Variants in SLC20A2 observed in about 807,000 individuals in gnomAD.
The protein encoded by SLC20A2 is solute carrier family 20 member 2.
Under a neutral mutation model 61.0 loss-of-function variants are expected in SLC20A2, and 30 were observed. That is an observed-to-expected ratio of 0.49 (90% confidence interval 0.37 to 0.67). The LOEUF is 0.67. Among genes scored for constraint, SLC20A2 ranks in the 30% least tolerant of loss-of-function variants. SLC20A2 has a pLI of 0.00. For synonymous variants in SLC20A2, 351 were observed against 353.3 expected, an observed-to-expected ratio of 0.99 and a Z score of 0.07; for missense variants, 626 against 866.4, an observed-to-expected ratio of 0.72 and a Z score of 3.48.
intron 5 of SLC20A2, among the ~76,000 whole-genome samples, chr8:42,455,012 G>A (rs1164054518): frequency 6.7e-6 from 1 of 150,362 alleles, no homozygotes; most frequent in Non-Finnish European, 1.5e-5. Flanking sequence ...GATCACCTCA[G>A]GTCAGGGGTT....
intron 2 of SLC20A2, among the ~76,000 whole-genome samples, chr8:42,466,911 C>T (rs1302440791): frequency 6.6e-6 from 1 of 152,176 alleles, no homozygotes; most frequent in Non-Finnish European, 1.5e-5. Flanking sequence ...CTTAAGCAAT[C>T]CTCCTGCTTC....
intron 1 of SLC20A2, among the ~76,000 whole-genome samples, chr8:42,495,371 G>A (rs752163063): frequency 8.5e-5 from 13 of 152,152 alleles, no homozygotes; most frequent in Admixed American, 1.3e-4. Flanking sequence ...GGAAGTTCAT[G>A]GGTTTCACAG....
intron 2 of SLC20A2, among the ~76,000 whole-genome samples, chr8:42,470,738 T>A (rs1441177542): frequency 6.7e-6 from 1 of 150,076 alleles, no homozygotes; most frequent in African/African-American, 2.5e-5. Context: ...CTTTGAGAGG[T>A]GATGGTGGGT....
intron 5 of SLC20A2, among the ~76,000 whole-genome samples, chr8:42,455,223 TAAAAAAA>T (rs1167685475): frequency 2.8e-4 from 14 of 49,858 alleles, no homozygotes; most frequent in Non-Finnish European, 4.3e-4. Flanking sequence ...AGACTCCGTC[TAAAAAAA>T]AAAAAAAAAA....
Position 42,437,503 on chromosome 8 carries a change from T to A in SLC20A2, c.1009A>T (p.Thr337Ser). Residue 337 changes from threonine to serine, a missense_variant, in exon 8 of 11, where the codon ACC becomes TCC. This residue lies in a region of SLC20A2 where 361 missense variants were observed against 422.3 expected (regional missense o/e 0.85). Transcript: ENST00000520262. This position sits in a 1 kb window ranked among gnomAD's most constrained non-coding sequence, Gnocchi z 6.4. ...SNGTFGFDGH[T>S]RSDGHVYHTV... ...TGGTACACATGACCGTCGCTCCTGGTGTGGCCGTCGAAGCCGAAGGTGCCG... is the reference window on the plus strand; with the variant it reads ...TGGTACACATGACCGTCGCTCCTGGAGTGGCCGTCGAAGCCGAAGGTGCCG... The A allele has an allele frequency of 1.9e-6, 3 of 1,614,044 alleles. No individual in the cohort carries two copies. The highest frequency in any genetic ancestry group is 2.5e-6 in the Non-Finnish European group (3 of 1,180,014).
At chr8:42,487,906 G>A (rs528662656) in intron 1 of SLC20A2, among the ~76,000 whole-genome samples, 1 of 152,000 alleles carries the variant, frequency 6.6e-6, no homozygotes, top group Non-Finnish European at 1.5e-5. Flanking sequence ...TGCCATTCTC[G>A]CCTTTCTCCA....
At chr8:42,532,314 A>G (rs980926525) in intron 1 of SLC20A2, among the ~76,000 whole-genome samples, 1 of 152,190 alleles carries the variant, frequency 6.6e-6, no homozygotes, top group African/African-American at 2.4e-5. Context: ...GAAATTAACA[A>G]TGAGTCCTTT....
intron 1 of SLC20A2, among the ~76,000 whole-genome samples, chr8:42,506,263 T>C (rs1304462616): frequency 6.6e-6 from 1 of 152,168 alleles, no homozygotes; most frequent in Non-Finnish European, 1.5e-5. Context: ...CTTTGGATTG[T>C]AGCTGTGGAC....
At chr8:42,478,403 G>C (rs1315606994) in intron 1 of SLC20A2, among the ~76,000 whole-genome samples, 1 of 151,216 alleles carries the variant, frequency 6.6e-6, no homozygotes, top group Non-Finnish European at 1.5e-5. Context: ...GTAGAGACAG[G>C]GTTTCACCAT....
intron 8 of SLC20A2, among the ~76,000 whole-genome samples, chr8:42,433,064 GA>G (rs1422554617): frequency 6.6e-6 from 1 of 152,060 alleles, no homozygotes; most frequent in Non-Finnish European, 1.5e-5. Flanking sequence ...TGGTCCAAAT[GA>G]TTTTTTTTTA....
chr8:42,428,141 T>C (rs1803554589), intron 10 of SLC20A2, among the ~76,000 whole-genome samples: 1 of 152,154 alleles, frequency 6.6e-6, no homozygotes, highest in South Asian at 2.1e-4. Flanking sequence ...CCGGAACCCA[T>C]TTCCTCTTCA....
At chr8:42,432,582 T>G (rs1803947521) in intron 8 of SLC20A2, among the ~76,000 whole-genome samples, 1 of 152,238 alleles carries the variant, frequency 6.6e-6, no homozygotes, top group Non-Finnish European at 1.5e-5. Context: ...GTTATCAAAC[T>G]GCATTACATG....
chr8:42,452,216 G>A (rs1431283989), intron 5 of SLC20A2, among the ~76,000 whole-genome samples: 1 of 149,696 alleles, frequency 6.7e-6, no homozygotes, highest in East Asian at 2.0e-4. Context: ...GGAGGAGGAG[G>A]AAGAGATGGA....
chr8:42,456,788 A>C (rs1321065857), intron 5 of SLC20A2, among the ~76,000 whole-genome samples: 1 of 151,682 alleles, frequency 6.6e-6, no homozygotes, highest in Non-Finnish European at 1.5e-5. Flanking sequence ...TACAGAGTTC[A>C]CTTCCAACCC....
At chr8:42,462,811 C>G (rs1417998687) in intron 4 of SLC20A2, among the ~76,000 whole-genome samples, 194 bp downstream of exon 4, 1 of 152,168 alleles carries the variant, frequency 6.6e-6, no homozygotes, top group African/African-American at 2.4e-5. Context: ...GTGCTTGTTT[C>G]TGGGGGACTC....
chr8:42,461,085 A>C, intron 4 of SLC20A2, among the ~76,000 whole-genome samples: 1 of 152,198 alleles, frequency 6.6e-6, no homozygotes, highest in Non-Finnish European at 1.5e-5. Context: ...AGCACTTGTC[A>C]AGAGGCTCGA....
intron 3 of SLC20A2, among the ~76,000 whole-genome samples, chr8:42,463,799 C>T (rs1332142722): frequency 6.6e-6 from 1 of 152,126 alleles, no homozygotes; most frequent in African/African-American, 2.4e-5. Flanking sequence ...GTGCCCCTGC[C>T]TGGCAGCTCA....
In SLC20A2 at chr8:42,437,612, CTTTT is replaced by C; in HGVS notation, c.935-39_935-36del. The C allele has an allele frequency of 1.7e-6, 2 of 1,188,728 alleles. No homozygotes were observed. Among genetic ancestry groups the C allele is most frequent in the Non-Finnish European group, 2.3e-6 (2 of 879,212 alleles). The allele number at this position is 1,188,728 out of a possible 1,614,324, so 73.6% of individuals were successfully genotyped here. A position where few individuals can be genotyped will look rare whatever the true frequency, so the allele number is the denominator to read the frequency against. On this transcript the variant is annotated intron_variant, in intron 7 of 10. Transcript: ENST00000520262. The surrounding 1 kb of genome is among the most constrained non-coding windows in gnomAD (Gnocchi z 6.4). ...GTTAGAGAAGGTCTCATTTTCCAGT[CTTTT>C]TTTTTTTTTTCTTTTCTTTTTGAGA...
At chr8:42,418,720 C>T (rs1431326018) in intron 10 of SLC20A2, among the ~76,000 whole-genome samples, 7 of 151,336 alleles carry the variant, frequency 4.6e-5, no homozygotes, top group Admixed American at 2.0e-4. Context: ...TATTCCCGGC[C>T]GTGCGCGGTG....
Sources: allele counts gnomAD v4.1 joint callset (sites outside exome capture counted in the v4.1 genomes callset), GRCh38; gene constraint gnomAD v4.1.1; regional missense constraint gnomAD v4.1.1; non-coding constraint Gnocchi (gnomAD v3.1); transcripts MANE v1.5; gene names NCBI Gene and HGNC (gene_info 2026-07-23, HGNC 2026-07-21).